PHACTR1: variants seen among roughly 807,000 people sequenced by gnomAD.
PHACTR1 encodes the protein phosphatase and actin regulator 1.
A neutral mutation model predicts 69.2 loss-of-function variants in PHACTR1; 16 were observed. The observed-to-expected ratio is 0.23, with a 90% CI of 0.16 to 0.35. The LOEUF is 0.35. Among genes scored for constraint, PHACTR1 ranks in the 10% least tolerant of loss-of-function variants. PHACTR1 has a pLI of 1.00. For missense variants in PHACTR1, 510 were observed against 734.7 expected, an observed-to-expected ratio of 0.69 and a Z score of 3.54; for synonymous variants, 312 against 284.5, an observed-to-expected ratio of 1.10 and a Z score of -0.97.
At chr6:13,268,408 A>G (rs1777122801) in intron 10 of PHACTR1, among the ~76,000 whole-genome samples, 1 of 152,180 alleles carries the variant, frequency 6.6e-6, no homozygotes, top group South Asian at 2.1e-4. Flanking sequence ...ACCCTTCCAC[A>G]AGATGTCCAC....
intron 4 of PHACTR1, among the ~76,000 whole-genome samples, chr6:12,934,391 A>G (rs1322347851): frequency 6.6e-6 from 1 of 152,220 alleles, no homozygotes; most frequent in Non-Finnish European, 1.5e-5. Context: ...GAATGTCAAC[A>G]TATCTTTTGG....
chr6:12,792,708 C>T (rs1258821447), intron 4 of PHACTR1, among the ~76,000 whole-genome samples: 1 of 151,834 alleles, frequency 6.6e-6, no homozygotes, highest in Non-Finnish European at 1.5e-5. Flanking sequence ...TTTAACTTGG[C>T]CTAGTATGTC....
intron 4 of PHACTR1, among the ~76,000 whole-genome samples, chr6:12,813,356 A>G (rs1372882743): frequency 6.6e-6 from 1 of 152,198 alleles, no homozygotes; most frequent in African/African-American, 2.4e-5. Context: ...GTCTATGAAC[A>G]CCTTGAAATT....
At chr6:13,155,210 T>C (rs1757994827) in intron 5 of PHACTR1, among the ~76,000 whole-genome samples, 1 of 152,208 alleles carries the variant, frequency 6.6e-6, no homozygotes, top group African/African-American at 2.4e-5. Context: ...CCGTAAGTGC[T>C]GCCCTTAGGT....
chr6:12,947,838 T>C (rs1790853199), intron 4 of PHACTR1, among the ~76,000 whole-genome samples: 1 of 152,212 alleles, frequency 6.6e-6, no homozygotes, highest in Non-Finnish European at 1.5e-5. Flanking sequence ...TTTCCACCAG[T>C]CTGAAAACTT....
At chr6:12,878,333 A>G (rs534423558) in intron 4 of PHACTR1, among the ~76,000 whole-genome samples, 1 of 152,264 alleles carries the variant, frequency 6.6e-6, no homozygotes, top group South Asian at 2.1e-4. Context: ...GATTTGATGA[A>G]CTTTTGAAAA....
At chr6:13,206,168 G>A (rs1369891498) in intron 8 of PHACTR1, 32 bp downstream of exon 8, 1 of 1,516,510 alleles carries the variant, frequency 6.6e-7, no homozygotes, top group Non-Finnish European at 8.9e-7. Context: ...GAGGACGGGA[G>A]GAGAGGGGTT....
At chr6:13,204,240 A>G (rs888183673) in intron 7 of PHACTR1, among the ~76,000 whole-genome samples, 46 of 152,234 alleles carry the variant, frequency 3.0e-4, no homozygotes, top group African/African-American at 1.1e-3. Flanking sequence ...GAGCTACGTA[A>G]TCAGATTTGT....
At chr6:12,790,871 G>A (rs1298761566) in intron 4 of PHACTR1, among the ~76,000 whole-genome samples, 1 of 152,204 alleles carries the variant, frequency 6.6e-6, no homozygotes, top group East Asian at 1.9e-4. Context: ...CCTTGGCCAT[G>A]TGTGGGTGGG....
At chr6:12,835,052 A>G (rs908520482) in intron 4 of PHACTR1, among the ~76,000 whole-genome samples, 2 of 152,160 alleles carry the variant, frequency 1.3e-5, no homozygotes, top group African/African-American at 4.8e-5. Context: ...AAAGCTAGAG[A>G]AGAGGTAAGA....
intron 3 of PHACTR1, among the ~76,000 whole-genome samples, chr6:12,724,970 A>G (rs1303636351): frequency 6.6e-6 from 1 of 152,196 alleles, no homozygotes; most frequent in Non-Finnish European, 1.5e-5. Flanking sequence ...AACACTCGGC[A>G]TTAGAACCAG....
intron 4 of PHACTR1, among the ~76,000 whole-genome samples, chr6:12,922,130 T>C (rs78275681): frequency 0.013 from 1,986 of 152,266 alleles, 48 homozygotes; most frequent in African/African-American, 0.045. Flanking sequence ...TTGCAGAACA[T>C]TGAATGGGGA....
In PHACTR1 at chr6:12,951,923, T is replaced by A. The variant is rs932324481; in HGVS notation, c.251-101442T>A. Among the ~76,000 whole-genome samples, 4 of 152,212 alleles carry A rather than the reference T, an allele frequency of 2.6e-5. 1 individual carries two copies. Among genetic ancestry groups the A allele is most frequent in the Non-Finnish European group, 5.9e-5 (4 of 68,036 alleles). ...TTTAGTACATGCACTGCTGTTTATG[T>A]AGTGGCATTATGGAAACAAAACGCA... is the stretch of plus-strand genomic sequence containing the variant. On this transcript the variant is annotated intron_variant, in intron 4 of 14. Transcript: ENST00000332995.
chr6:13,052,715 A>AT (rs900861713), intron 4 of PHACTR1, among the ~76,000 whole-genome samples: 174 of 150,854 alleles, frequency 1.2e-3, no homozygotes, highest in African/African-American at 3.6e-3. Flanking sequence ...ATTTCTAAGA[A>AT]TTTTTTTTTT....
intron 13 of PHACTR1, among the ~76,000 whole-genome samples, chr6:13,285,106 T>C (rs1021321770): frequency 1.3e-5 from 2 of 152,204 alleles, no homozygotes; most frequent in African/African-American, 4.8e-5. Context: ...CTTGCAAGGA[T>C]AAGGATATTA....
intron 3 of PHACTR1, among the ~76,000 whole-genome samples, chr6:12,747,993 G>C (rs547548057): frequency 1.7e-3 from 254 of 152,208 alleles, no homozygotes; most frequent in Non-Finnish European, 1.9e-3. Context: ...CAAGAATGAT[G>C]GATTACTAAG....
chr6:12,997,705 A>G (rs565627518), intron 4 of PHACTR1, among the ~76,000 whole-genome samples: 2 of 152,318 alleles, frequency 1.3e-5, no homozygotes, highest in Admixed American at 1.3e-4. Flanking sequence ...CTGTAATCTC[A>G]GCACTTTGAG....
chr6:12,864,555 C>T (rs1349636207), intron 4 of PHACTR1, among the ~76,000 whole-genome samples: 5 of 152,010 alleles, frequency 3.3e-5, no homozygotes, highest in Admixed American at 3.3e-4. Flanking sequence ...TGGTGGGCAC[C>T]TGTAGTCCCA....
At chr6:13,263,261 T>TC (rs1491503337) in intron 10 of PHACTR1, among the ~76,000 whole-genome samples, 7 of 88,796 alleles carry the variant, frequency 7.9e-5, no homozygotes, top group African/African-American at 3.2e-4. Context: ...TTTTTTTTTT[T>TC]CAGTCTTTCC....
Sources: gnomAD v4.1 joint callset for allele counts (sites outside exome capture counted in the v4.1 genomes callset) on GRCh38, gnomAD v4.1.1 for gene constraint, MANE v1.5 for transcripts, NCBI Gene and HGNC (gene_info 2026-07-23, HGNC 2026-07-21) for gene names.